LRRC49: variants seen among roughly 807,000 people sequenced by gnomAD.
LRRC49 encodes leucine rich repeat containing 49.
LRRC49 carries 50 observed loss-of-function variants against 83.3 expected under a neutral mutation model. That is an observed-to-expected ratio of 0.60 (90% CI 0.48 to 0.76). LRRC49 has a LOEUF of 0.76. Among genes scored for constraint, LRRC49 ranks in the 30% least tolerant of loss-of-function variants. LRRC49 has a pLI of 0.00. For synonymous variants in LRRC49, 286 were observed against 283.3 expected, an observed-to-expected ratio of 1.01 and a Z score of -0.10; for missense variants, 704 against 809.1, an observed-to-expected ratio of 0.87 and a Z score of 1.58.
intron 11 of LRRC49, among the ~76,000 whole-genome samples, chr15:70,986,454 A>G (rs2037622216): frequency 6.6e-6 from 1 of 152,060 alleles, no homozygotes; most frequent in Non-Finnish European, 1.5e-5. Context: ...TTGGTGTATA[A>G]GAATGCTTGT....
At chr15:70,873,403 G>T (rs2033091497) in intron 2 of LRRC49, among the ~76,000 whole-genome samples, 1 of 152,174 alleles carries the variant, frequency 6.6e-6, no homozygotes, top group Non-Finnish European at 1.5e-5. Context: ...TCCTTAGGGA[G>T]TCTTTACCAC....
chr15:70,983,446 C>T (rs778080047), intron 10 of LRRC49, among the ~76,000 whole-genome samples: 1 of 152,118 alleles, frequency 6.6e-6, no homozygotes, highest in Non-Finnish European at 1.5e-5. Context: ...ATTTGAGAAC[C>T]ACTACCTTAA....
intron 14 of LRRC49, among the ~76,000 whole-genome samples, chr15:71,014,937 AC>A (rs749441082): frequency 1.3e-5 from 2 of 152,204 alleles, no homozygotes; most frequent in Non-Finnish European, 2.9e-5. Flanking sequence ...TCAGAAAAAA[AC>A]ATATATTTTA....
intron 8 of LRRC49, among the ~76,000 whole-genome samples, chr15:70,957,276 TGTAAATAAATA>T (rs2036436461): frequency 6.6e-6 from 1 of 152,234 alleles, no homozygotes; most frequent in Non-Finnish European, 1.5e-5. Context: ...CAATCTGGCT[TGTAAATAAATA>T]GTAAATAGCA....
intron 13 of LRRC49, among the ~76,000 whole-genome samples, chr15:71,010,307 A>G (rs1038522046): frequency 1.3e-5 from 2 of 152,010 alleles, no homozygotes; most frequent in African/African-American, 4.8e-5. Context: ...ACTCTTTTAT[A>G]AGTAATGTGA....
rs773328420 is a variant in LRRC49 at position 70,904,541 on chromosome 15, A to AT, written c.297-5dup. On this transcript the variant is annotated splice_polypyrimidine_tract_variant and intron_variant, in intron 4 of 15. Coordinates refer to ENST00000260382, the MANE Select transcript of LRRC49 (RefSeq NM_017691.5). ...ATCATAACCTAATTAACTTTTTAAC[A>AT]TTTTTTCTAGACAAAAGCTGACCGT... 30 of 1,600,710 alleles carry AT rather than the reference A, an allele frequency of 1.9e-5. 1 individual carries two copies. In the African/African-American group the frequency reaches 2.7e-4, roughly 14 times the overall value.
chr15:71,004,522 TGCCTGTAATCCCAGCTACTCG>T (rs1042519930), intron 11 of LRRC49, among the ~76,000 whole-genome samples: 2 of 151,940 alleles, frequency 1.3e-5, no homozygotes, highest in African/African-American at 2.4e-5. Flanking sequence ...AGGTGGCATG[TGCCTGTAATCCCAGCTACTCG>T]GGAGGCTGAG....
At chr15:70,899,172 T>C (rs2141104971) in intron 3 of LRRC49, among the ~76,000 whole-genome samples, 1 of 152,342 alleles carries the variant, frequency 6.6e-6, no homozygotes, top group South Asian at 2.1e-4. Context: ...ATTGCCTCTG[T>C]ATCTCAAGTC....
chr15:71,001,056 T>C (rs2038238007), intron 11 of LRRC49, among the ~76,000 whole-genome samples: 3 of 152,200 alleles, frequency 2.0e-5, no homozygotes, highest in Non-Finnish European at 4.4e-5. Flanking sequence ...CCCACTTAGA[T>C]TGTGTTTAGG....
chr15:70,981,688 C>T (rs2037405102), intron 10 of LRRC49, among the ~76,000 whole-genome samples: 1 of 151,924 alleles, frequency 6.6e-6, no homozygotes, highest in Non-Finnish European at 1.5e-5. Flanking sequence ...GAAAAGTAGA[C>T]TCAAATGGCA....
At chr15:70,933,579 G>T (rs1048959505) in intron 7 of LRRC49, among the ~76,000 whole-genome samples, 6 of 152,172 alleles carry the variant, frequency 3.9e-5, no homozygotes, top group African/African-American at 7.2e-5. Context: ...TAAGCAGATT[G>T]TTGAGTGCTG....
intron 1 of LRRC49, chr15:70,853,967 C>A: frequency 6.9e-7 from 1 of 1,458,314 alleles, no homozygotes; most frequent in East Asian, 3.1e-5. Context: ...CCCGGCGCCC[C>A]GAGTCTCCGC....
intron 6 of LRRC49, among the ~76,000 whole-genome samples, chr15:70,913,674 A>G (rs1425048965): frequency 6.6e-6 from 1 of 152,218 alleles, no homozygotes. Flanking sequence ...ATGCCAGGCA[A>G]ATTAATTGGT....
chr15:70,986,783 G>T (rs1341823789), intron 11 of LRRC49, among the ~76,000 whole-genome samples: 1 of 152,144 alleles, frequency 6.6e-6, no homozygotes, highest in Non-Finnish European at 1.5e-5. Context: ...GTCATAGATA[G>T]CTCTTATTAT....
chr15:71,046,095 C>T (rs1435567287), intron 15 of LRRC49, among the ~76,000 whole-genome samples: 1 of 152,108 alleles, frequency 6.6e-6, no homozygotes, highest in Non-Finnish European at 1.5e-5. Flanking sequence ...ATCCAATCTA[C>T]CATTGATGGG....
At chr15:70,983,533 C>T (rs1412950462) in intron 10 of LRRC49, among the ~76,000 whole-genome samples, 3 of 152,086 alleles carry the variant, frequency 2.0e-5, no homozygotes, top group South Asian at 4.1e-4. Context: ...GACATTTCAA[C>T]CTAGTACAAT....
intron 2 of LRRC49, chr15:70,882,603 T>A (rs375612486): frequency 1.2e-6 from 2 of 1,614,106 alleles, no homozygotes; most frequent in East Asian, 4.5e-5. Context: ...GTCTGAGTAG[T>A]TGCATTACAC....
intron 11 of LRRC49, chr15:70,984,524 T>A (rs2037524533): frequency 4.3e-6 from 1 of 231,756 alleles, no homozygotes; most frequent in Non-Finnish European, 8.2e-6. Context: ...GCCCACTTCA[T>A]CTCTTTTATC....
intron 11 of LRRC49, among the ~76,000 whole-genome samples, chr15:70,992,901 TC>T (rs1275363247): frequency 6.6e-6 from 1 of 152,168 alleles, no homozygotes; most frequent in Non-Finnish European, 1.5e-5. Flanking sequence ...CCTCTACTCT[TC>T]AAAGCTGTCA....
Sources: gnomAD v4.1 joint callset for allele counts (sites outside exome capture counted in the v4.1 genomes callset) on GRCh38, gnomAD v4.1.1 for gene constraint, MANE v1.5 for transcripts, NCBI Gene and HGNC (gene_info 2026-07-23, HGNC 2026-07-21) for gene names.